Variants in TCERG1L observed in about 807,000 individuals in gnomAD.
TCERG1L encodes the protein transcription elongation regulator 1-like protein.
Under a neutral mutation model 56.3 loss-of-function variants are expected in TCERG1L, and 37 were observed. The observed-to-expected ratio is 0.66, with a 90% CI of 0.51 to 0.87. TCERG1L has a LOEUF of 0.87. Ranked by LOEUF, TCERG1L falls within the 40% of genes least tolerant of loss-of-function variation. TCERG1L has a pLI of 0.00. For synonymous variants in TCERG1L, 324 were observed against 326.3 expected (o/e 0.99, Z 0.08); for missense variants, 799 against 774.2 (o/e 1.03, Z -0.38).
intron 1 of TCERG1L, among the ~76,000 whole-genome samples, chr10:131,309,923 T>G (rs1846865685): frequency 6.8e-6 from 1 of 146,352 alleles, no homozygotes; most frequent in Non-Finnish European, 1.5e-5. Flanking sequence ...GGAAAGGGGC[T>G]GGTAATTCAG....
intron 10 of TCERG1L, among the ~76,000 whole-genome samples, chr10:131,099,586 A>T (rs1378425624): frequency 6.6e-6 from 1 of 152,124 alleles, no homozygotes; most frequent in Non-Finnish European, 1.5e-5. Flanking sequence ...CTTCTTCTAC[A>T]CTCATGCCAA....
At chr10:131,197,916 C>T (rs893324488) in intron 4 of TCERG1L, among the ~76,000 whole-genome samples, 1 of 152,184 alleles carries the variant, frequency 6.6e-6, no homozygotes, top group Non-Finnish European at 1.5e-5. Context: ...ATTATTTTTG[C>T]TCTTACATTT....
At chr10:131,230,610 C>A (rs11017828) in intron 4 of TCERG1L, among the ~76,000 whole-genome samples, 4 of 152,136 alleles carry the variant, frequency 2.6e-5, no homozygotes, top group African/African-American at 4.8e-5. Context: ...GCTAAGCCTC[C>A]GTGTGGATGT....
chr10:131,307,027 G>A (rs117947066), intron 3 of TCERG1L, among the ~76,000 whole-genome samples: 357 of 152,202 alleles, frequency 2.3e-3, no homozygotes, highest in Non-Finnish European at 3.7e-3. Context: ...TTGCCAGTGC[G>A]TTAGGAAATT....
At chr10:131,189,375 C>CT (rs1347029084) in intron 4 of TCERG1L, among the ~76,000 whole-genome samples, 7 of 152,114 alleles carry the variant, frequency 4.6e-5, no homozygotes, top group Admixed American at 3.3e-4. Flanking sequence ...ATTCCCCTCT[C>CT]TATGTCCATG....
chr10:131,233,457 G>GACAC (rs143588165), intron 4 of TCERG1L, among the ~76,000 whole-genome samples: 7 of 149,876 alleles, frequency 4.7e-5, no homozygotes, highest in African/African-American at 7.3e-5. Flanking sequence ...CATGCACACA[G>GACAC]ACACACACAC....
In TCERG1L at chr10:131,218,731, T is replaced by G. The variant is rs573015826; in HGVS notation, c.856+41528A>C. 3.3e-5 allele frequency among the ~76,000 whole-genome samples: 5 copies of G among 152,194 alleles called. No individual in the cohort carries two copies. The South Asian group carries it at 1.0e-3, about 32-fold the overall frequency. The stretch of plus-strand genomic sequence containing the variant: ...CACCGGGAATCATCTCAAATCATCT[T>G]CCCTTTCCTCCGGGAAGCAGCTGGG... On this transcript the variant is annotated intron_variant, in intron 4 of 11. Coordinates refer to ENST00000368642, the MANE Select transcript of TCERG1L (RefSeq NM_174937.4).
At chr10:131,157,626 C>G (rs1221663829) in intron 6 of TCERG1L, among the ~76,000 whole-genome samples, 7 of 151,640 alleles carry the variant, frequency 4.6e-5, no homozygotes. Context: ...CCGAAGGAGA[C>G]TAAAATAATA....
intron 3 of TCERG1L, among the ~76,000 whole-genome samples, chr10:131,270,447 C>T (rs1431550696): frequency 2.0e-5 from 3 of 152,260 alleles, no homozygotes; most frequent in Non-Finnish European, 4.4e-5. Context: ...CCAAAGAAAA[C>T]TGCTAAGCCA....
chr10:131,201,841 G>A (rs1046546443), intron 4 of TCERG1L, among the ~76,000 whole-genome samples: 1 of 152,126 alleles, frequency 6.6e-6, no homozygotes, highest in African/African-American at 2.4e-5. Flanking sequence ...AAACATGGCT[G>A]CTCTTTTACC....
chr10:131,174,499 G>A (rs894754653), intron 4 of TCERG1L, among the ~76,000 whole-genome samples: 1 of 152,006 alleles, frequency 6.6e-6, no homozygotes, highest in Non-Finnish European at 1.5e-5. Context: ...CTGCAGGCAG[G>A]GCCCACCGCT....
intron 3 of TCERG1L, among the ~76,000 whole-genome samples, chr10:131,301,521 C>A (rs1316937811): frequency 1.3e-5 from 2 of 151,786 alleles, no homozygotes; most frequent in Non-Finnish European, 2.9e-5. Context: ...TTATCACTTA[C>A]CTGAGAAAAT....
intron 4 of TCERG1L, among the ~76,000 whole-genome samples, chr10:131,170,997 T>G (rs921666975): frequency 8.6e-5 from 13 of 152,034 alleles, no homozygotes; most frequent in African/African-American, 3.1e-4. Flanking sequence ...AATACAAAAA[T>G]TAGCTGGGCA....
chr10:131,249,610 C>A (rs1208445418), intron 4 of TCERG1L, among the ~76,000 whole-genome samples: 1 of 152,192 alleles, frequency 6.6e-6, no homozygotes. Flanking sequence ...AAATTTTGTT[C>A]TTTTTTGAAA....
intron 6 of TCERG1L, chr10:131,162,059 T>G (rs1449318637): frequency 1.3e-5 from 2 of 152,242 alleles, no homozygotes; most frequent in African/African-American, 4.8e-5. Flanking sequence ...TGGGCAGATG[T>G]GCAGGCAGCT....
At position 131,103,595 on chromosome 10, in the gene TCERG1L, G is replaced by A. The variant is rs1296613678; in HGVS notation, c.1485+670C>T. Among the ~76,000 whole-genome samples, 2 of 152,334 alleles carry A rather than the reference G, an allele frequency of 1.3e-5. No individual in the cohort carries two copies. Among genetic ancestry groups the A allele is most frequent in the East Asian group, 3.9e-4 (2 of 5,176 alleles). ...AGTCTCAGCTGCTCAGGAGGCTGAG[G>A]TGGGAGGATGGCTTGATCCCAGAAG... On this transcript the variant is annotated intron_variant, in intron 10 of 11. Coordinates refer to ENST00000368642, the MANE Select transcript of TCERG1L (RefSeq NM_174937.4). The surrounding 1 kb of genome is among the most constrained non-coding windows in gnomAD (Gnocchi z 4.3).
At chr10:131,146,954 C>T (rs1321310884) in intron 6 of TCERG1L, among the ~76,000 whole-genome samples, 2 of 152,196 alleles carry the variant, frequency 1.3e-5, no homozygotes, top group East Asian at 3.9e-4. Flanking sequence ...AGAGCTCTCT[C>T]CAGCCCACCA....
chr10:131,244,932 G>A (rs1390479155), intron 4 of TCERG1L, among the ~76,000 whole-genome samples: 2 of 152,196 alleles, frequency 1.3e-5, no homozygotes, highest in Non-Finnish European at 2.9e-5. Flanking sequence ...GTGTCTTCCT[G>A]CCCAGGACAC....
intron 8 of TCERG1L, among the ~76,000 whole-genome samples, chr10:131,127,087 A>G (rs1845572657): frequency 6.6e-6 from 1 of 152,204 alleles, no homozygotes; most frequent in Non-Finnish European, 1.5e-5. Context: ...GCATCTCAGG[A>G]CACAGGATTC....
Sources: allele counts gnomAD v4.1 joint callset (sites outside exome capture counted in the v4.1 genomes callset), GRCh38; gene constraint gnomAD v4.1.1; non-coding constraint Gnocchi (gnomAD v3.1); transcripts MANE v1.5; gene names NCBI Gene and HGNC (gene_info 2026-07-23, HGNC 2026-07-21).